Variants in ITFG1 observed in about 807,000 individuals in gnomAD.
ITFG1 encodes the protein T-cell immunomodulatory protein.
A neutral mutation model predicts 81.8 loss-of-function variants in ITFG1; 34 were observed. The ratio of observed to expected loss-of-function variants is 0.42; its 90% CI spans 0.32 to 0.55. The LOEUF (loss-of-function observed/expected upper bound fraction) is 0.55, where lower values mean the gene tolerates loss of function less well. Ranked by LOEUF, ITFG1 falls within the 20% of genes least tolerant of loss-of-function variation. The pLI, the probability that ITFG1 is intolerant of heterozygous loss-of-function variation, is 0.17. For synonymous variants in ITFG1, 285 were observed against 270.6 expected, an observed-to-expected ratio of 1.05 and a Z score of -0.52; for missense variants, 672 against 755.4, an observed-to-expected ratio of 0.89 and a Z score of 1.29.
At chr16:47,303,764 C>A (rs564744127) in intron 10 of ITFG1, among the ~76,000 whole-genome samples, 10 of 152,298 alleles carry the variant, frequency 6.6e-5, no homozygotes, top group African/African-American at 2.4e-4. Context: ...CCTAGGAACA[C>A]AGGTGCCTGC....
chr16:47,376,536 A>G (rs764248834), intron 6 of ITFG1, among the ~76,000 whole-genome samples: 11 of 152,180 alleles, frequency 7.2e-5, no homozygotes, highest in Non-Finnish European at 1.3e-4. Context: ...GAAACATCCT[A>G]TTATTGTAAA....
At chr16:47,311,147 A>C in intron 10 of ITFG1, 93 bp downstream of exon 10, 2 of 798,018 alleles carry the variant, frequency 2.5e-6, no homozygotes, top group Non-Finnish European at 3.8e-6. Context: ...AGATTATAAC[A>C]TATTTAGGTA....
At chr16:47,238,622 T>A (rs1262901095) in intron 12 of ITFG1, among the ~76,000 whole-genome samples, 3 of 152,298 alleles carry the variant, frequency 2.0e-5, no homozygotes, top group African/African-American at 7.2e-5. Context: ...AAAACCATAT[T>A]TCTACCACTT....
chr16:47,239,240 C>T (rs890176912), intron 12 of ITFG1, among the ~76,000 whole-genome samples: 2 of 151,240 alleles, frequency 1.3e-5, no homozygotes, highest in Non-Finnish European at 2.9e-5. Context: ...CTTGCTCTGT[C>T]GCCAGGCTGG....
At chr16:47,399,455 C>T (rs959474782) in intron 6 of ITFG1, among the ~76,000 whole-genome samples, 13 of 152,138 alleles carry the variant, frequency 8.5e-5, no homozygotes, top group Non-Finnish European at 1.3e-4. Flanking sequence ...CATCTGTAGT[C>T]CCAGCTACTC....
At chr16:47,156,305 G>C (rs866190588) in intron 17 of ITFG1, among the ~76,000 whole-genome samples, 2 of 152,232 alleles carry the variant, frequency 1.3e-5, no homozygotes, top group African/African-American at 4.8e-5. Context: ...TGAGTGTGGT[G>C]GTGGGCACCT....
chr16:47,339,987 A>G (rs1180653803), intron 8 of ITFG1, among the ~76,000 whole-genome samples: 1 of 152,164 alleles, frequency 6.6e-6, no homozygotes, highest in East Asian at 1.9e-4. Context: ...CCAATTCATC[A>G]TGAAAAAGGG....
At chr16:47,260,459 A>G in intron 11 of ITFG1, 86 bp downstream of exon 11, 1 of 1,430,538 alleles carries the variant, frequency 7.0e-7, no homozygotes, top group South Asian at 1.3e-5. Flanking sequence ...TGTTGTCCAC[A>G]TTTTCTGGTC....
chr16:47,311,144 AAC>A (rs1448460286), intron 10 of ITFG1, 94 bp downstream of exon 10: 89 of 778,626 alleles, frequency 1.1e-4, no homozygotes, highest in Non-Finnish European at 1.7e-4. Flanking sequence ...AAGAGATTAT[AAC>A]ATATTTAGGT....
chr16:47,217,640 T>C (rs1965640237), intron 14 of ITFG1, among the ~76,000 whole-genome samples: 1 of 152,206 alleles, frequency 6.6e-6, no homozygotes, highest in Admixed American at 6.5e-5. Context: ...AAAGTATAAT[T>C]GTGGCCAGGT....
intron 2 of ITFG1, among the ~76,000 whole-genome samples, 154 bp from the exon 3 acceptor site, chr16:47,454,312 T>C (rs546098815): frequency 2.0e-5 from 3 of 152,256 alleles, no homozygotes; most frequent in Non-Finnish European, 4.4e-5. Flanking sequence ...ATCCATCATG[T>C]ATTTAGACCT....
At chr16:47,279,257 A>C (rs1311769860) in intron 10 of ITFG1, among the ~76,000 whole-genome samples, 2 of 152,168 alleles carry the variant, frequency 1.3e-5, no homozygotes, top group African/African-American at 4.8e-5. Context: ...TAAAGGTTTC[A>C]TCATTTTATG....
intron 6 of ITFG1, among the ~76,000 whole-genome samples, chr16:47,390,226 T>C (rs926632133): frequency 2.6e-5 from 4 of 152,202 alleles, no homozygotes; most frequent in Non-Finnish European, 5.9e-5. Flanking sequence ...GGACTGAATC[T>C]GACATAGGCA....
At chr16:47,181,416 C>G (rs981850297) in intron 14 of ITFG1, among the ~76,000 whole-genome samples, 1 of 148,142 alleles carries the variant, frequency 6.8e-6, no homozygotes, top group African/African-American at 2.5e-5. Flanking sequence ...GGTCAGCCCC[C>G]CCGCCCGGCC....
chr16:47,322,866 A>G (rs1420799203), intron 8 of ITFG1, among the ~76,000 whole-genome samples: 2 of 152,196 alleles, frequency 1.3e-5, no homozygotes, highest in East Asian at 1.9e-4. Flanking sequence ...ATTGTATTTA[A>G]TATAAACTTA....
intron 8 of ITFG1, among the ~76,000 whole-genome samples, chr16:47,344,256 A>ACC (rs1967821867): frequency 6.6e-6 from 1 of 152,230 alleles, no homozygotes; most frequent in Non-Finnish European, 1.5e-5. Context: ...AAAATGGTTA[A>ACC]AATGGCAAAT....
At chr16:47,378,405 T>G (rs1968354127) in intron 6 of ITFG1, among the ~76,000 whole-genome samples, 1 of 152,246 alleles carries the variant, frequency 6.6e-6, no homozygotes, top group South Asian at 2.1e-4. Context: ...TTAAGGGGGA[T>G]AGTTAGAGGG....
At chr16:47,455,244 A>C (rs1336285604) in intron 2 of ITFG1, among the ~76,000 whole-genome samples, 1 of 152,234 alleles carries the variant, frequency 6.6e-6, no homozygotes, top group Non-Finnish European at 1.5e-5. Context: ...CTTACTTGAA[A>C]ATGTGAGTAG....
intron 6 of ITFG1, among the ~76,000 whole-genome samples, chr16:47,412,499 T>C (rs769394630): frequency 1.4e-4 from 21 of 151,624 alleles, no homozygotes; most frequent in Non-Finnish European, 2.2e-4. Context: ...CTGGCCAACA[T>C]GGCAAAACCC....
Sources: gnomAD v4.1 joint callset for allele counts (sites outside exome capture counted in the v4.1 genomes callset) on GRCh38, gnomAD v4.1.1 for gene constraint, MANE v1.5 for transcripts, NCBI Gene and HGNC (gene_info 2026-07-23, HGNC 2026-07-21) for gene names.